Variants in RIC8B observed in about 807,000 individuals in gnomAD.
RIC8B encodes chaperone Ric-8B.
In RIC8B, 16 loss-of-function variants were observed where a neutral mutation model predicts 57.5. The ratio of observed to expected loss-of-function variants is 0.28; its 90% CI spans 0.19 to 0.42. The LOEUF (loss-of-function observed/expected upper bound fraction) is 0.42, where lower values mean the gene tolerates loss of function less well. Ranked by LOEUF, RIC8B falls within the 10% of genes least tolerant of loss-of-function variation. The pLI is 1.00. For synonymous variants in RIC8B, 216 were observed against 250.8 expected (o/e 0.86, Z 1.31); for missense variants, 481 against 677.0 (o/e 0.71, Z 3.21).
Position 106,867,564 on chromosome 12 carries a change from G to A in RIC8B, c.1452-3259G>A, listed in dbSNP as rs776345634. On this transcript the variant is annotated intron_variant, in intron 8 of 9. Coordinates refer to ENST00000392837, the MANE Select transcript of RIC8B (RefSeq NM_001330145.2). This position sits in a 1 kb window ranked among gnomAD's most constrained non-coding sequence, Gnocchi z 4.3. ...GGCGTCTCAGACTGTACTATTTGAG[G>A]TTGAAAGGTGTCAGGTATTTGTTCC... Among the ~76,000 whole-genome samples the A allele has an allele frequency of 2.6e-5, 4 of 152,184 alleles. No homozygotes were observed. Among genetic ancestry groups the A allele is most frequent in the Non-Finnish European group, 5.9e-5 (4 of 68,036 alleles).
intron 7 of RIC8B, among the ~76,000 whole-genome samples, chr12:106,857,967 C>T (rs1949774643): frequency 6.6e-6 from 1 of 152,112 alleles, no homozygotes; most frequent in Non-Finnish European, 1.5e-5. Flanking sequence ...CTTTGTAACC[C>T]ACACTGCCTG....
intron 3 of RIC8B, among the ~76,000 whole-genome samples, chr12:106,824,571 C>T (rs903240152): frequency 1.3e-5 from 2 of 152,008 alleles, no homozygotes; most frequent in African/African-American, 4.8e-5. Context: ...GAAAATATAT[C>T]ACTTCACATG....
chr12:106,822,372 CAT>C (rs2045895939), intron 3 of RIC8B: 1 of 152,134 alleles, frequency 6.6e-6, no homozygotes, highest in Non-Finnish European at 1.5e-5. Flanking sequence ...TAAAGATTGA[CAT>C]ATGGATATAA....
At chr12:106,883,532 A>T (rs760360434) in intron 9 of RIC8B, among the ~76,000 whole-genome samples, 2 of 152,100 alleles carry the variant, frequency 1.3e-5, no homozygotes, top group African/African-American at 2.4e-5. Flanking sequence ...CCCATTGAAT[A>T]GAGTCACCAT....
chr12:106,783,551 C>A (rs555459040), intron 1 of RIC8B, among the ~76,000 whole-genome samples: 2 of 152,364 alleles, frequency 1.3e-5, no homozygotes, highest in South Asian at 4.1e-4. Flanking sequence ...TTTCCATTCT[C>A]TTCTTCCTCC....
At chr12:106,873,271 C>A in intron 9 of RIC8B, 1 of 714,090 alleles carries the variant, frequency 1.4e-6, no homozygotes, top group Non-Finnish European at 1.7e-6. Context: ...CAAAAGGCAA[C>A]CTTGAGAATA....
At chr12:106,781,185 A>T (rs2043748247) in intron 1 of RIC8B, among the ~76,000 whole-genome samples, 1 of 152,130 alleles carries the variant, frequency 6.6e-6, no homozygotes, top group Admixed American at 6.5e-5. Context: ...CCTGGTCTCA[A>T]GCCATCTGTC....
intron 8 of RIC8B, among the ~76,000 whole-genome samples, chr12:106,868,682 A>G (rs1423733614): frequency 6.6e-6 from 1 of 151,484 alleles, no homozygotes; most frequent in Non-Finnish European, 1.5e-5. Flanking sequence ...GATGGCCTCT[A>G]ACTGGAGGCC....
chr12:106,846,352 T>C (rs1949186443), intron 6 of RIC8B, among the ~76,000 whole-genome samples: 1 of 152,160 alleles, frequency 6.6e-6, no homozygotes. Flanking sequence ...TCTCCCCTAA[T>C]AAATGAACCA....
intron 9 of RIC8B, among the ~76,000 whole-genome samples, chr12:106,878,536 CTTTA>C (rs1213238186): frequency 6.6e-6 from 1 of 152,100 alleles, no homozygotes; most frequent in Non-Finnish European, 1.5e-5. Flanking sequence ...AATTAAAATG[CTTTA>C]TTTATATACT....
Position 106,803,214 on chromosome 12 carries a change from TCAAAA to T in RIC8B, c.133-11481_133-11477del, listed in dbSNP as rs1438214565. Among the ~76,000 whole-genome samples, 10 of 84,278 alleles carry T rather than the reference TCAAAA, an allele frequency of 1.2e-4. No individual in the cohort carries two copies. The East Asian group carries it at 1.5e-3, about 13-fold the overall frequency. The allele number at this position is 84,278 out of a possible 152,430, so 55.3% of individuals were successfully genotyped here. A position where few individuals can be genotyped will look rare whatever the true frequency, so the allele number is the denominator to read the frequency against. On this transcript the variant is annotated intron_variant, in intron 2 of 9. Transcript: ENST00000392837. ...GTGACAAGAGTGATGATACCCTGTC[TCAAAA>T]AAAAAAAAAAAAAAAAAAAGCAAGT...
At chr12:106,845,662 A>G (rs1024903498) in intron 6 of RIC8B, among the ~76,000 whole-genome samples, 7 of 152,192 alleles carry the variant, frequency 4.6e-5, no homozygotes, top group African/African-American at 1.7e-4. Flanking sequence ...TCTTAAAAAC[A>G]AAAACACCTT....
chr12:106,853,939 C>T lies in RIC8B; in HGVS notation c.1306+2345C>T, dbSNP rs566544880. ...TACTTACTTTTTTATTTAAGGGTCACAGACTCAAATGCCTACAGCAGCCAG... is the reference window on the plus strand; with the variant it reads ...TACTTACTTTTTTATTTAAGGGTCATAGACTCAAATGCCTACAGCAGCCAG... On this transcript the variant is annotated intron_variant, in intron 7 of 9. Coordinates refer to ENST00000392837, the MANE Select transcript of RIC8B (RefSeq NM_001330145.2). 2.5e-4 allele frequency among the ~76,000 whole-genome samples: 38 copies of T among 152,238 alleles called. 1 individual carries two copies. The highest frequency in any genetic ancestry group is 8.7e-4 in the African/African-American group (36 of 41,530).
chr12:106,814,249 T>A (rs1230465548), intron 2 of RIC8B, among the ~76,000 whole-genome samples: 1 of 152,208 alleles, frequency 6.6e-6, no homozygotes, highest in East Asian at 1.9e-4. Context: ...TAATTTTTTA[T>A]CAGTTTGTCA....
At chr12:106,837,361 CA>C (rs921368550) in intron 4 of RIC8B, among the ~76,000 whole-genome samples, 251 of 142,516 alleles carry the variant, frequency 1.8e-3, no homozygotes, top group African/African-American at 3.6e-3. Flanking sequence ...GACTGTTTCT[CA>C]AAAAAAAAAA....
chr12:106,869,300 A>G (rs1357993238), intron 8 of RIC8B, among the ~76,000 whole-genome samples: 1 of 152,186 alleles, frequency 6.6e-6, no homozygotes, highest in Non-Finnish European at 1.5e-5. Flanking sequence ...AGTAATAGAT[A>G]ACAGTACGTA....
intron 2 of RIC8B, among the ~76,000 whole-genome samples, chr12:106,794,497 T>C (rs912774850): frequency 2.0e-5 from 3 of 152,054 alleles, no homozygotes; most frequent in Admixed American, 6.5e-5. Context: ...ATAGTAAAAA[T>C]GCTAAAAGCC....
At chr12:106,800,183 A>G (rs2044666656) in intron 2 of RIC8B, among the ~76,000 whole-genome samples, 1 of 152,210 alleles carries the variant, frequency 6.6e-6, no homozygotes, top group Admixed American at 6.5e-5. Flanking sequence ...ACTCTGCTAT[A>G]AAGAAATACC....
chr12:106,811,252 C>G (rs532211862), intron 2 of RIC8B, among the ~76,000 whole-genome samples: 2 of 152,196 alleles, frequency 1.3e-5, no homozygotes. Context: ...TTTCTGTGTT[C>G]GTCTGGTCAG....
Sources: allele counts gnomAD v4.1 joint callset (sites outside exome capture counted in the v4.1 genomes callset), GRCh38; gene constraint gnomAD v4.1.1; non-coding constraint Gnocchi (gnomAD v3.1); transcripts MANE v1.5; gene names NCBI Gene and HGNC (gene_info 2026-07-23, HGNC 2026-07-21).